PTPRM: variants seen among roughly 807,000 people sequenced by gnomAD.
PTPRM encodes the protein protein tyrosine phosphatase receptor type M.
Under a neutral mutation model 186.7 loss-of-function variants are expected in PTPRM, and 47 were observed. The ratio of observed to expected loss-of-function variants is 0.25; its 90% CI spans 0.20 to 0.32. PTPRM has a LOEUF of 0.32. Among genes scored for constraint, PTPRM ranks in the 10% least tolerant of loss-of-function variants. The pLI, the probability that PTPRM is intolerant of heterozygous loss-of-function variation, is 1.00. For missense variants in PTPRM, 1,494 were observed against 1,865.0 expected, an observed-to-expected ratio of 0.80 and a Z score of 3.66; for synonymous variants, 668 against 674.9, an observed-to-expected ratio of 0.99 and a Z score of 0.16.
intron 7 of PTPRM, among the ~76,000 whole-genome samples, chr18:8,057,425 CTTTTT>C (rs763829289): frequency 4.2e-4 from 43 of 102,538 alleles, no homozygotes; most frequent in African/African-American, 8.5e-4. Context: ...TGTGATACTT[CTTTTT>C]TTTTTTTTTT....
intron 2 of PTPRM, among the ~76,000 whole-genome samples, chr18:7,865,758 A>G (rs1341115111): frequency 6.6e-6 from 1 of 151,756 alleles, no homozygotes; most frequent in Non-Finnish European, 1.5e-5. Flanking sequence ...TTCAGAAAGA[A>G]TACCAGCTCC....
chr18:7,710,169 C>A (rs773131477), intron 1 of PTPRM, among the ~76,000 whole-genome samples: 2 of 152,154 alleles, frequency 1.3e-5, no homozygotes, highest in Admixed American at 6.5e-5. Context: ...CTATCCAAAT[C>A]CAACAGCGTA....
At position 7,949,313 on chromosome 18, in the gene PTPRM, G is replaced by T. The variant is rs2052776513; in HGVS notation, c.796G>T (p.Gly266Ter). ...GTACCGCTGCATGATTCGCACTGAA[G>T]GAGGTGTTGGAATATCAAACTATGC... ...GKYRCMIRTE[G>*]GVGISNYAEL... The change falls in exon 6 of 33, where the codon GGA (glycine) becomes TGA (stop). Residue 266 changes from glycine (G) to a stop codon, truncating the protein, a stop_gained. Transcript: ENST00000580170. LOFTEE classifies it high-confidence loss of function. The T allele has an allele frequency of 6.2e-7, 1 of 1,614,126 alleles. No individual in the cohort carries two copies.
At chr18:8,301,253 CT>C (rs1282102680) in intron 20 of PTPRM, among the ~76,000 whole-genome samples, 1 of 152,138 alleles carries the variant, frequency 6.6e-6, no homozygotes, top group Non-Finnish European at 1.5e-5. Flanking sequence ...TGTTTATTGG[CT>C]TTTGCTCTTA....
chr18:8,054,677 A>T (rs2087787547), intron 7 of PTPRM, among the ~76,000 whole-genome samples: 2 of 151,984 alleles, frequency 1.3e-5, no homozygotes, highest in Admixed American at 6.6e-5. Context: ...TGTATATATA[A>T]AAAGCTCTAA....
intron 7 of PTPRM, among the ~76,000 whole-genome samples, chr18:7,993,789 A>G (rs1175286084): frequency 6.6e-6 from 1 of 152,160 alleles, no homozygotes; most frequent in Admixed American, 6.6e-5. Flanking sequence ...ACTAAAATAT[A>G]TAACTTATTG....
chr18:7,841,716 A>G (rs910825859), intron 2 of PTPRM, among the ~76,000 whole-genome samples: 8 of 152,210 alleles, frequency 5.3e-5, no homozygotes, highest in African/African-American at 1.9e-4. Flanking sequence ...CTAGTCAGTT[A>G]ACTAGAAAAT....
chr18:7,849,782 A>G (rs1032799624), intron 2 of PTPRM, among the ~76,000 whole-genome samples: 3 of 152,236 alleles, frequency 2.0e-5, no homozygotes, highest in Non-Finnish European at 2.9e-5. Flanking sequence ...TGAGAACAAC[A>G]TATGAGAGGG....
At chr18:7,927,587 T>C (rs1359207339) in intron 5 of PTPRM, among the ~76,000 whole-genome samples, 1 of 152,134 alleles carries the variant, frequency 6.6e-6, no homozygotes. Context: ...TGGCTTCCGC[T>C]CCATCATGTG....
intron 8 of PTPRM, among the ~76,000 whole-genome samples, chr18:8,076,032 A>G (rs1252748570): frequency 6.6e-6 from 1 of 152,132 alleles, no homozygotes; most frequent in Non-Finnish European, 1.5e-5. Context: ...TTACTAGGGA[A>G]TATACCTGCA....
intron 14 of PTPRM, among the ~76,000 whole-genome samples, chr18:8,197,613 C>T (rs1263421393): frequency 1.3e-5 from 2 of 152,098 alleles, no homozygotes; most frequent in Admixed American, 6.5e-5. Flanking sequence ...TATGTTTCAG[C>T]GATACGTTAA....
At chr18:7,963,440 G>T (rs951940900) in intron 7 of PTPRM, among the ~76,000 whole-genome samples, 1 of 152,224 alleles carries the variant, frequency 6.6e-6, no homozygotes, top group African/African-American at 2.4e-5. Context: ...AGATGGAGGT[G>T]GTTGTTCATA....
chr18:8,280,936 C>T (rs2094896692), intron 19 of PTPRM, among the ~76,000 whole-genome samples: 1 of 152,162 alleles, frequency 6.6e-6, no homozygotes, highest in African/African-American at 2.4e-5. Context: ...TTAAATCTCA[C>T]ATATTAGAGA....
intron 23 of PTPRM, among the ~76,000 whole-genome samples, chr18:8,355,573 A>G (rs2095559199): frequency 6.6e-6 from 1 of 152,156 alleles, no homozygotes. Context: ...ACAAGGGGAA[A>G]GGGCCACACT....
chr18:7,731,458 G>A (rs1598452369), intron 1 of PTPRM, among the ~76,000 whole-genome samples: 2 of 152,128 alleles, frequency 1.3e-5, no homozygotes, highest in Admixed American at 6.6e-5. Context: ...TCGTTTTAGG[G>A]CCATAGAATA....
intron 14 of PTPRM, among the ~76,000 whole-genome samples, chr18:8,238,594 C>G (rs1010101126): frequency 1.3e-5 from 2 of 148,330 alleles, no homozygotes; most frequent in Non-Finnish European, 3.0e-5. Context: ...TCCAACGCCT[C>G]TGCCATATCA....
chr18:7,578,273 C>T (rs976217019), intron 1 of PTPRM, among the ~76,000 whole-genome samples: 5 of 152,090 alleles, frequency 3.3e-5, no homozygotes, highest in Non-Finnish European at 5.9e-5. Context: ...GAGCGATCCT[C>T]CCACCTCAGC....
chr18:7,719,617 C>A lies in PTPRM; in HGVS notation c.74-54532C>A, dbSNP rs117568809. ...AACAATTCATTAGGTGTAGATAAAACATTTAGACTACAGATAAGGTCAGCA... is the reference window on the plus strand; with the variant it reads ...AACAATTCATTAGGTGTAGATAAAAAATTTAGACTACAGATAAGGTCAGCA... On this transcript the variant is annotated intron_variant, in intron 1 of 32. Coordinates refer to ENST00000580170, the MANE Select transcript of PTPRM (RefSeq NM_001105244.2). 7.1e-4 allele frequency among the ~76,000 whole-genome samples: 108 copies of A among 152,096 alleles called. 3 individuals are homozygous for A. In the East Asian group the frequency reaches 0.018, roughly 26 times the overall value.
At chr18:7,844,868 A>T (rs902938607) in intron 2 of PTPRM, among the ~76,000 whole-genome samples, 2 of 152,124 alleles carry the variant, frequency 1.3e-5, no homozygotes, top group East Asian at 3.9e-4. Context: ...TAATTCTCTT[A>T]AAAATCCTAT....
Sources: gnomAD v4.1 joint callset for allele counts (sites outside exome capture counted in the v4.1 genomes callset) on GRCh38, gnomAD v4.1.1 for gene constraint, MANE v1.5 for transcripts, NCBI Gene and HGNC (gene_info 2026-07-23, HGNC 2026-07-21) for gene names.